The following DPP4 variants were observed in gnomAD, a reference collection of about 807,000 sequenced individuals.
The protein encoded by DPP4 is dipeptidyl peptidase 4, also known as ADCP-2.
In DPP4, 93 loss-of-function variants were observed where a neutral mutation model predicts 122.4. That is an observed-to-expected ratio of 0.76 (90% CI 0.64 to 0.90). DPP4 has a LOEUF of 0.90. Ranked by LOEUF, DPP4 falls within the 40% of genes least tolerant of loss-of-function variation. DPP4 has a pLI of 0.00. For missense variants in DPP4, 914 were observed against 907.3 expected (o/e 1.01, Z -0.09); for synonymous variants, 321 against 302.9 (o/e 1.06, Z -0.62).
intron 23 of DPP4, among the ~76,000 whole-genome samples, chr2:161,998,954 TC>T (rs1396359521): frequency 2.0e-5 from 3 of 152,118 alleles, no homozygotes; most frequent in Non-Finnish European, 4.4e-5. Flanking sequence ...AACAAAAGCT[TC>T]CCCTGCAACT....
At chr2:162,039,079 T>C in intron 6 of DPP4, 53 bp downstream of exon 6, 1 of 1,611,974 alleles carries the variant, frequency 6.2e-7, no homozygotes, top group South Asian at 1.1e-5. Context: ...TGGGGTTTCC[T>C]TAAAAATATG....
intron 12 of DPP4, chr2:162,021,351 A>G (rs1345241697): frequency 6.6e-6 from 1 of 152,188 alleles, no homozygotes. Context: ...CCATTTTTTT[A>G]CAGTTCAATA....
At chr2:162,020,461 G>T in intron 13 of DPP4, 120 bp downstream of exon 13, 3 of 1,003,840 alleles carry the variant, frequency 3.0e-6, no homozygotes, top group Non-Finnish European at 4.3e-6. Context: ...CCACTGAGGA[G>T]TTTAAATTAA....
intron 16 of DPP4, among the ~76,000 whole-genome samples, chr2:162,018,310 A>G (rs1200273599): frequency 6.6e-6 from 1 of 151,992 alleles, no homozygotes; most frequent in Non-Finnish European, 1.5e-5. Context: ...TCACTTGGCC[A>G]CTCCTTGCCT....
Position 162,045,539 on chromosome 2 carries a change from T to C in DPP4, c.359A>G (p.Tyr120Cys), listed in dbSNP as rs1393587022. 3 of 1,605,798 alleles carry C rather than the reference T, an allele frequency of 1.9e-6. No individual in the cohort carries two copies. The highest frequency in any genetic ancestry group is 2.7e-5 in the African/African-American group (2 of 74,752). ...DGQFILLEYN[Y>C]VKQWRHSYTA... ...AGAAAGCATTTATTTTACCTTCACG[T>C]AGTTGTATTCTAAGAGAATAAACTG... The change falls in exon 5 of 26, where the codon TAC becomes TGC. Residue 120 changes from tyrosine (Y) to cysteine (C), a missense_variant. Transcript: ENST00000360534.
chr2:162,034,063 G>A (rs1683675973), intron 9 of DPP4, among the ~76,000 whole-genome samples: 1 of 151,868 alleles, frequency 6.6e-6, no homozygotes, highest in African/African-American at 2.4e-5. Context: ...ATGCCTGTCA[G>A]TATGAAGAAC....
At chr2:162,045,645 C>T (rs199795599) in intron 4 of DPP4, 33 bp from the exon 5 acceptor site, 682 of 1,496,516 alleles carry the variant, frequency 4.6e-4, no homozygotes, top group Non-Finnish European at 5.9e-4. Flanking sequence ...AAAAATTGAA[C>T]AATTCCATTT....
chr2:162,012,828 T>A (rs1682753562), intron 19 of DPP4, among the ~76,000 whole-genome samples: 1 of 152,046 alleles, frequency 6.6e-6, no homozygotes, highest in Admixed American at 6.6e-5. Context: ...CCCCAGCCCA[T>A]CTCTCCACTC....
intron 14 of DPP4, 97 bp from the exon 15 acceptor site, chr2:162,019,373 AGC>A: frequency 1.2e-6 from 1 of 831,728 alleles, no homozygotes; most frequent in South Asian, 1.8e-5. Flanking sequence ...GTGTGCACGG[AGC>A]GCGCGCACGG....
At chr2:162,010,330 A>G (rs890861353) in intron 20 of DPP4, among the ~76,000 whole-genome samples, 4 of 152,160 alleles carry the variant, frequency 2.6e-5, no homozygotes, top group Non-Finnish European at 2.9e-5. Flanking sequence ...ACAAAAGGAA[A>G]TGTTTTTCTT....
At chr2:162,046,801 A>C in intron 4 of DPP4, 114 bp downstream of exon 4, 1 of 753,520 alleles carries the variant, frequency 1.3e-6, no homozygotes. Flanking sequence ...CCACTTTGCC[A>C]TATGCTGCAG....
intron 18 of DPP4, among the ~76,000 whole-genome samples, chr2:162,015,910 G>C (rs915263708): frequency 6.6e-6 from 1 of 152,124 alleles, no homozygotes; most frequent in African/African-American, 2.4e-5. Context: ...GCATCACCTA[G>C]AAGCTTAATA....
intron 23 of DPP4, among the ~76,000 whole-genome samples, chr2:161,998,992 C>A (rs540583220): frequency 3.3e-5 from 5 of 152,200 alleles, no homozygotes; most frequent in Non-Finnish European, 7.3e-5. Flanking sequence ...ATTTCAAATG[C>A]GCACTTCCCC....
rs765607849 is a variant in DPP4 at position 162,008,642 on chromosome 2, G to A, written c.1907C>T (p.Thr636Ile). 5 of 1,613,628 alleles carry A rather than the reference G, an allele frequency of 3.1e-6. No individual in the cohort carries two copies. In the East Asian group the frequency reaches 8.9e-5, roughly 29 times the overall value. The change falls in exon 22 of 26, where the codon ACC (threonine) becomes ATC (isoleucine). Residue 636 changes from threonine (T) to isoleucine (I), a missense_variant. Transcript: ENST00000360534. ...IWGWSYGGYV[T>I]SMVLGSGSGV... ...ACTTCCCGATCCCAGGACCATTGAG[G>A]TTACGTACCCTCCATATGACTAAGG...
In DPP4 at chr2:162,045,681, C is replaced by T; in HGVS notation, c.286-69G>A. ...CATTGCCATCACTGTGCACTTACTTCATAGGGGGTACTGTTCTAGACATGT... is the reference window on the plus strand; with the variant it reads ...CATTGCCATCACTGTGCACTTACTTTATAGGGGGTACTGTTCTAGACATGT... On this transcript the variant is annotated intron_variant, in intron 4 of 25. Coordinates refer to ENST00000360534, the MANE Select transcript of DPP4 (RefSeq NM_001935.4). The T allele has an allele frequency of 2.7e-6, 3 of 1,107,314 alleles. No homozygotes were observed. In the South Asian group the frequency reaches 3.8e-5, roughly 14 times the overall value. 68.6% of individuals were successfully genotyped at this position (1,107,314 alleles called of 1,614,324 possible).
rs200443496 is a variant in DPP4 at position 162,047,005 on chromosome 2, A to T, written c.195T>A (p.Asp65Glu). The T allele has an allele frequency of 3.0e-4, 464 of 1,527,256 alleles. 6 individuals carry two copies. In the South Asian group the frequency reaches 3.8e-3, roughly 13 times the overall value. 94.6% of individuals were successfully genotyped at this position (1,527,256 alleles called of 1,614,324 possible). The change falls in exon 4 of 26, where the codon GAT (aspartate) becomes GAA (glutamate). Residue 65 changes from aspartate to glutamate, a missense_variant and splice_region_variant. Coordinates refer to ENST00000360534, the MANE Select transcript of DPP4 (RefSeq NM_001935.4). ...TTTCTTGTTTGTAGAGATATTCATG[A>T]TCTAAAGAGAGAAAACACCCAGATC... ...LKLYSLRWISDHEYLYKQENN... is the reference protein window; with the variant it reads ...LKLYSLRWISEHEYLYKQENN...
In DPP4 at chr2:161,993,321, T is replaced by C; in HGVS notation, c.2263A>G (p.Met755Val). The change falls in exon 26 of 26, where the codon ATG (methionine) becomes GTG (valine). Residue 755 changes from methionine to valine, a missense_variant. Coordinates refer to ENST00000360534, the MANE Select transcript of DPP4 (RefSeq NM_001935.4). ...AAACATTGTTTTATGAAGTGGCTCATGTGGGTATATATATGTTGGTGTGCT... is the reference window on the plus strand; with the variant it reads ...AAACATTGTTTTATGAAGTGGCTCACGTGGGTATATATATGTTGGTGTGCT... ...STAHQHIYTHMSHFIKQCFSL... is the reference protein window; with the variant it reads ...STAHQHIYTHVSHFIKQCFSL... The C allele has an allele frequency of 6.2e-7, 1 of 1,613,830 alleles. No homozygotes were observed. Among genetic ancestry groups the C allele is most frequent in the Non-Finnish European group, 8.5e-7 (1 of 1,179,780 alleles).
At chr2:162,012,493 C>T (rs1682737484) in intron 19 of DPP4, among the ~76,000 whole-genome samples, 1 of 152,082 alleles carries the variant, frequency 6.6e-6, no homozygotes, top group Admixed American at 6.6e-5. Flanking sequence ...GACTGTAAAT[C>T]ATTGTGGAAT....
intron 10 of DPP4, among the ~76,000 whole-genome samples, chr2:162,028,658 C>T (rs746324837): frequency 2.2e-4 from 34 of 152,208 alleles, no homozygotes; most frequent in Non-Finnish European, 3.4e-4. Context: ...ATTAGTCCAA[C>T]GGGAATATGG....
Sources: allele counts gnomAD v4.1 joint callset (sites outside exome capture counted in the v4.1 genomes callset), GRCh38; gene constraint gnomAD v4.1.1; transcripts MANE v1.5; gene names NCBI Gene and HGNC (gene_info 2026-07-23, HGNC 2026-07-21).